The following CCDC102B variants were observed in gnomAD, a reference collection of about 807,000 sequenced individuals.
The protein encoded by CCDC102B is coiled-coil domain-containing protein 102B.
A neutral mutation model predicts 57.4 loss-of-function variants in CCDC102B; 75 were observed. The ratio of observed to expected loss-of-function variants is 1.31; its 90% CI spans 1.08 to 1.58. CCDC102B has a LOEUF of 1.58. Among genes scored for constraint, CCDC102B ranks in the 40% most tolerant of loss-of-function variants. The pLI is 0.00. For synonymous variants in CCDC102B, 206 were observed against 201.9 expected, an observed-to-expected ratio of 1.02 and a Z score of -0.17; for missense variants, 636 against 582.6, an observed-to-expected ratio of 1.09 and a Z score of -0.94.
At chr18:68,849,744 C>A (rs1012277972) in intron 4 of CCDC102B, among the ~76,000 whole-genome samples, 1 of 152,132 alleles carries the variant, frequency 6.6e-6, no homozygotes, top group East Asian at 1.9e-4. Flanking sequence ...TGGATGCCCA[C>A]TGACAGCACG....
intron 2 of CCDC102B, among the ~76,000 whole-genome samples, chr18:68,729,322 C>CT (rs1395448424): frequency 6.6e-6 from 1 of 152,056 alleles, no homozygotes; most frequent in Non-Finnish European, 1.5e-5. Context: ...TTTAAGAAGT[C>CT]TTTTTCAGGG....
chr18:68,809,594 T>C (rs2144706560), intron 1 of CCDC102B, among the ~76,000 whole-genome samples: 1 of 152,322 alleles, frequency 6.6e-6, no homozygotes, highest in East Asian at 1.9e-4. Context: ...AGCTACATAA[T>C]TTTTAAAATA....
At position 68,902,509 on chromosome 18, in the gene CCDC102B, A is replaced by G. The variant is rs1001923017; in HGVS notation, c.1263+5081A>G. 3.3e-5 allele frequency among the ~76,000 whole-genome samples: 5 copies of G among 152,294 alleles called. No individual in the cohort carries two copies. The East Asian group carries it at 5.8e-4, about 18-fold the overall frequency. ...TCTAGCAACCTCTTTATAGATATAT[A>G]GGACCTTTTCTGAAACACAAAACTT... On this transcript the variant is annotated intron_variant, in intron 6 of 7. Coordinates refer to ENST00000360242, the MANE Select transcript of CCDC102B (RefSeq NM_024781.3).
rs771905343 is a variant in CCDC102B, at chr18:69,054,040, C to T, written c.1445C>T (p.Ser482Phe). 6.2e-7 allele frequency: 1 copy of T among 1,602,284 alleles called. No homozygotes were observed. Among genetic ancestry groups the T allele is most frequent in the South Asian group, 1.1e-5 (1 of 89,176 alleles). ...LNQKEDELDDSLNQIRKLQRS... is the reference protein window; with the variant it reads ...LNQKEDELDDFLNQIRKLQRS... The stretch of plus-strand genomic sequence containing the variant: ...CTACTTCGCTTTCAGCTTGATGATT[C>T]CCTGAATCAGATCCGTAAGCTCCAG... The change falls in exon 8 of 8, where the codon TCC becomes TTC. Residue 482 changes from serine to phenylalanine, a missense_variant. Coordinates refer to ENST00000360242, the MANE Select transcript of CCDC102B (RefSeq NM_024781.3).
intron 6 of CCDC102B, among the ~76,000 whole-genome samples, chr18:68,968,316 T>G (rs1349463434): frequency 1.3e-5 from 2 of 152,158 alleles, no homozygotes; most frequent in Admixed American, 6.5e-5. Context: ...AATACTGAGC[T>G]TCTCTGACGC....
chr18:68,984,464 G>A (rs971844319), intron 6 of CCDC102B, among the ~76,000 whole-genome samples: 1 of 151,986 alleles, frequency 6.6e-6, no homozygotes, highest in African/African-American at 2.4e-5. Flanking sequence ...TTTGAAACAT[G>A]TGGGAACTAT....
At chr18:68,845,500 G>A (rs976076859) in intron 3 of CCDC102B, among the ~76,000 whole-genome samples, 3 of 151,772 alleles carry the variant, frequency 2.0e-5, no homozygotes, top group Non-Finnish European at 4.4e-5. Flanking sequence ...TCCTAGAATT[G>A]AGGAATGAGG....
intron 2 of CCDC102B, among the ~76,000 whole-genome samples, chr18:68,782,190 T>G (rs1156540373): frequency 6.6e-6 from 1 of 152,116 alleles, no homozygotes; most frequent in African/African-American, 2.4e-5. Flanking sequence ...CTTCTAGGAT[T>G]TGGATTAAAT....
intron 1 of CCDC102B, among the ~76,000 whole-genome samples, chr18:68,807,452 T>C (rs572075239): frequency 6.6e-6 from 1 of 152,264 alleles, no homozygotes; most frequent in East Asian, 1.9e-4. Context: ...AGAATTAAGA[T>C]ATGACGTTAC....
At chr18:68,998,424 T>C (rs1180503779) in intron 6 of CCDC102B, among the ~76,000 whole-genome samples, 2 of 44,398 alleles carry the variant, frequency 4.5e-5, no homozygotes, top group Non-Finnish European at 1.8e-4. Context: ...ATAGTATATA[T>C]ATAATATATT....
chr18:68,825,994 A>T (rs1331878207), intron 1 of CCDC102B, among the ~76,000 whole-genome samples: 1 of 152,218 alleles, frequency 6.6e-6, no homozygotes, highest in Admixed American at 6.5e-5. Flanking sequence ...GGGTTAATAT[A>T]TACTAATGAA....
At chr18:68,959,570 C>T (rs559775072) in intron 6 of CCDC102B, among the ~76,000 whole-genome samples, 2 of 152,182 alleles carry the variant, frequency 1.3e-5, no homozygotes, top group East Asian at 1.9e-4. Context: ...TCTAGCCAGG[C>T]TTGTGTCCTT....
intron 6 of CCDC102B, among the ~76,000 whole-genome samples, chr18:68,938,244 G>T (rs2049295790): frequency 6.6e-6 from 1 of 152,002 alleles, no homozygotes; most frequent in Admixed American, 6.6e-5. Flanking sequence ...AAATGTATCA[G>T]ATTTCAGAAT....
At chr18:69,025,494 C>T (rs772700450) in intron 7 of CCDC102B, among the ~76,000 whole-genome samples, 1 of 152,058 alleles carries the variant, frequency 6.6e-6, no homozygotes, top group Admixed American at 6.6e-5. Flanking sequence ...ACTGCATGTG[C>T]GTGTAAGCTA....
At chr18:68,831,195 G>A (rs2037127187) in intron 1 of CCDC102B, among the ~76,000 whole-genome samples, 1 of 151,966 alleles carries the variant, frequency 6.6e-6, no homozygotes, top group African/African-American at 2.4e-5. Flanking sequence ...CATTATCTTA[G>A]AAACGTAATA....
chr18:68,808,744 C>T (rs900823341), intron 1 of CCDC102B, among the ~76,000 whole-genome samples: 3 of 152,084 alleles, frequency 2.0e-5, no homozygotes, highest in Admixed American at 6.5e-5. Context: ...TCCCAAAGTG[C>T]CGGGATTACA....
chr18:68,858,189 T>G (rs1389806766), intron 4 of CCDC102B, among the ~76,000 whole-genome samples: 1 of 152,220 alleles, frequency 6.6e-6, no homozygotes, highest in African/African-American at 2.4e-5. Flanking sequence ...TAGTTTGCAT[T>G]TTCTAGAATT....
At chr18:68,828,764 ATTTC>A (rs927168219) in intron 1 of CCDC102B, among the ~76,000 whole-genome samples, 9 of 151,446 alleles carry the variant, frequency 5.9e-5, no homozygotes, top group Non-Finnish European at 1.0e-4. Flanking sequence ...TTAAATTGTT[ATTTC>A]TTTTATTGGA....
At chr18:68,780,105 A>G (rs979797444) in intron 2 of CCDC102B, among the ~76,000 whole-genome samples, 1 of 152,118 alleles carries the variant, frequency 6.6e-6, no homozygotes, top group African/African-American at 2.4e-5. Context: ...TATATAAATG[A>G]ATTATACAAT....
Sources: allele counts gnomAD v4.1 joint callset (sites outside exome capture counted in the v4.1 genomes callset), GRCh38; gene constraint gnomAD v4.1.1; transcripts MANE v1.5; gene names NCBI Gene and HGNC (gene_info 2026-07-23, HGNC 2026-07-21).